Variants in ATP11C observed in about 807,000 individuals in gnomAD.
The protein encoded by ATP11C is ATPase phospholipid transporting 11C (ATP11C blood group).
In ATP11C, 36 loss-of-function variants were observed where a neutral mutation model predicts 97.4. The ratio of observed to expected loss-of-function variants is 0.37; its 90% CI spans 0.28 to 0.49. The LOEUF (loss-of-function observed/expected upper bound fraction) is 0.49, where lower values mean the gene tolerates loss of function less well. Ranked by LOEUF, ATP11C falls within the 20% of genes least tolerant of loss-of-function variation. The probability of loss-of-function intolerance (pLI) is 0.98; values close to 1 mark genes in which losing one functional copy is unlikely to be tolerated. For synonymous variants in ATP11C, 275 were observed against 290.9 expected (o/e 0.95, Z 0.56); for missense variants, 730 against 824.6 (o/e 0.89, Z 1.40).
intron 1 of ATP11C, among the ~76,000 whole-genome samples, chrX:139,862,189 A>G (rs990009403): frequency 2.7e-5 from 3 of 111,908 alleles, no homozygotes; most frequent in African/African-American, 9.7e-5. Context: ...TGGTACACCC[A>G]GGGAGGTCAT....
At chrX:139,852,725 A>C (rs1349687190) in intron 1 of ATP11C, among the ~76,000 whole-genome samples, 2 of 110,074 alleles carry the variant, frequency 1.8e-5, no homozygotes, top group African/African-American at 3.3e-5. Context: ...TAGCTACCTC[A>C]TATGGCTTAG....
intron 1 of ATP11C, among the ~76,000 whole-genome samples, chrX:139,839,135 T>C (rs2083790759): frequency 8.9e-6 from 1 of 111,998 alleles, no homozygotes; most frequent in Admixed American, 9.4e-5. Flanking sequence ...AAAGGTCACA[T>C]AATGCATAAT....
intron 1 of ATP11C, among the ~76,000 whole-genome samples, chrX:139,860,951 G>GA (rs1463771573): frequency 8.9e-6 from 1 of 112,335 alleles, no homozygotes; most frequent in Non-Finnish European, 1.9e-5. Flanking sequence ...TTCATGCCCT[G>GA]AATCACCCCT....
chrX:139,839,345 AT>A (rs745767339), intron 1 of ATP11C, among the ~76,000 whole-genome samples: 1 of 111,985 alleles, frequency 8.9e-6, no homozygotes, highest in Non-Finnish European at 1.9e-5. Context: ...ATTCCAATAG[AT>A]TGTTCACTTT....
chrX:139,820,333 G>A (rs1394873429), intron 2 of ATP11C, among the ~76,000 whole-genome samples: 9 of 110,558 alleles, frequency 8.1e-5, no homozygotes, highest in Non-Finnish European at 5.7e-5. Context: ...CCCAGGAGGC[G>A]GAGGCTGCAG....
rs750104413 is a variant in ATP11C, at chrX:139,766,586, C to CTG, written c.2391+1672_2391+1673dup. Among the ~76,000 whole-genome samples, 191 of 109,363 alleles carry CTG rather than the reference C, an allele frequency of 1.7e-3. 1 individual carries two copies. Among genetic ancestry groups the CTG allele is most frequent in the African/African-American group, 5.3e-3 (159 of 30,030 alleles). The allele number at this position is 109,363 out of a possible 115,157, so 95.0% of individuals were successfully genotyped here. On this transcript the variant is annotated intron_variant, in intron 20 of 29. Transcript: ENST00000682941. ...AGAAATGCCTCAAATATGATGGGCG[C>CTG]TGTGTGTGTGTGTGTGCATATGTGT...
At chrX:139,797,435 C>A in intron 10 of ATP11C, 109 bp from the exon 11 acceptor site, 1 of 543,128 alleles carries the variant, frequency 1.8e-6, no homozygotes, top group Non-Finnish European at 2.7e-6. Flanking sequence ...AACTACAGCA[C>A]AAGCCTTTGT....
In ATP11C at chrX:139,804,891, A is replaced by G. The variant is rs369913602; in HGVS notation, c.427-292T>C. Among the ~76,000 whole-genome samples the G allele has an allele frequency of 4.5e-5, 5 of 112,216 alleles. No individual in the cohort carries two copies. In the East Asian group the frequency reaches 1.4e-3, roughly 31 times the overall value. ...CTGATATTTCTTGCACAAATGTTTG[A>G]TAAGACAATGACATTATCACTTCAT... On this transcript the variant is annotated intron_variant, in intron 5 of 29. Coordinates refer to ENST00000682941, the MANE Select transcript of ATP11C (RefSeq NM_001353812.2).
At chrX:139,916,570 G>A (rs1240905518) in intron 1 of ATP11C, among the ~76,000 whole-genome samples, 1 of 111,217 alleles carries the variant, frequency 9.0e-6, no homozygotes, top group East Asian at 2.8e-4. Context: ...TTGTCTGAGG[G>A]AAGGATCAGG....
At chrX:139,800,013 A>T in intron 8 of ATP11C, 47 bp downstream of exon 8, 3 of 397,124 alleles carry the variant, frequency 7.6e-6, no homozygotes, top group Non-Finnish European at 1.4e-5. Context: ...AGAAAAATAG[A>T]CCCCCCCCCC....
intron 1 of ATP11C, among the ~76,000 whole-genome samples, chrX:139,894,309 G>T (rs2084773889): frequency 8.9e-6 from 1 of 112,196 alleles, no homozygotes. Context: ...ACAATCTTTT[G>T]TATTTATATT....
intron 7 of ATP11C, among the ~76,000 whole-genome samples, chrX:139,800,321 GATGGGATT>G (rs1488508851): frequency 7.1e-5 from 8 of 112,112 alleles, no homozygotes; most frequent in Admixed American, 9.4e-5. Context: ...TAAATAACAT[GATGGGATT>G]ATAGGAGCAG....
chrX:139,755,300 G>GAAAATTGC (rs1298185350), intron 23 of ATP11C, among the ~76,000 whole-genome samples: 1 of 111,620 alleles, frequency 9.0e-6, no homozygotes, highest in Non-Finnish European at 1.9e-5. Context: ...TCTTTACAAT[G>GAAAATTGC]AAAATTGCAA....
rs751343583 is a variant in ATP11C, at chrX:139,912,971, C to G, written c.27+19045G>C. On this transcript the variant is annotated intron_variant, in intron 1 of 29. Transcript: ENST00000682941. ...GAAACTGCTCCCTTGCTAGGGCTCT[C>G]AGCCTTAGGTTGAATCACTGGCTGT... Among the ~76,000 whole-genome samples the G allele has an allele frequency of 2.7e-5, 3 of 111,835 alleles. No individual in the cohort carries two copies. In the South Asian group the frequency reaches 1.1e-3, roughly 42 times the overall value.
At chrX:139,899,535 C>T (rs1603414538) in intron 1 of ATP11C, among the ~76,000 whole-genome samples, 2 of 107,893 alleles carry the variant, frequency 1.9e-5, no homozygotes, top group Non-Finnish European at 1.9e-5. Context: ...AGGAAAATGA[C>T]ATTAAAGAAA....
Position 139,880,037 on chromosome X carries a change from T to C in ATP11C, c.27+51979A>G, listed in dbSNP as rs1267136262. On this transcript the variant is annotated intron_variant, in intron 1 of 29. Coordinates refer to ENST00000682941, the MANE Select transcript of ATP11C (RefSeq NM_001353812.2). Reference sequence around the variant, plus strand: ...CACATTTGTTTGATTTTTTAAATTCTTGTCTCATTTTACAATAAAAAAGCT... The same window carrying C: ...CACATTTGTTTGATTTTTTAAATTCCTGTCTCATTTTACAATAAAAAAGCT... Among the ~76,000 whole-genome samples, 29 of 110,758 alleles carry C rather than the reference T, an allele frequency of 2.6e-4. No individual in the cohort carries two copies. The Admixed American group carries it at 2.8e-3, about 11-fold the overall frequency.
At chrX:139,888,137 A>G (rs1035717175) in intron 1 of ATP11C, among the ~76,000 whole-genome samples, 1 of 109,078 alleles carries the variant, frequency 9.2e-6, no homozygotes, top group Non-Finnish European at 1.9e-5. Context: ...AAAGCTGTAT[A>G]ATTTTTTTTT....
chrX:139,787,746 G>A (rs942250266), intron 14 of ATP11C, among the ~76,000 whole-genome samples: 1 of 112,344 alleles, frequency 8.9e-6, no homozygotes, highest in Non-Finnish European at 1.9e-5. Context: ...GTAACCAAGG[G>A]AGAGACAATT....
At chrX:139,936,796 T>C (rs1269445846), upstream of ATP11C, among the ~76,000 whole-genome samples, 1 of 111,119 alleles carries the variant, frequency 9.0e-6, no homozygotes, top group Non-Finnish European at 1.9e-5. Flanking sequence ...AGGCCACACC[T>C]GTGACGAAGG....
Sources: gnomAD v4.1 joint callset for allele counts (sites outside exome capture counted in the v4.1 genomes callset) on GRCh38, gnomAD v4.1.1 for gene constraint, MANE v1.5 for transcripts, NCBI Gene and HGNC (gene_info 2026-07-23, HGNC 2026-07-21) for gene names.